The following CDK19 variants were observed in gnomAD, a reference collection of about 807,000 sequenced individuals.
CDK19 encodes cyclin dependent kinase 19.
Under a neutral mutation model 68.3 loss-of-function variants are expected in CDK19, and 20 were observed. The observed-to-expected ratio is 0.29, with a 90% confidence interval of 0.21 to 0.43. The LOEUF is 0.43. Ranked by LOEUF, CDK19 falls within the 20% of genes least tolerant of loss-of-function variation. CDK19 has a pLI of 1.00. For missense variants in CDK19, 339 were observed against 623.5 expected, an observed-to-expected ratio of 0.54 and a Z score of 4.86; for synonymous variants, 221 against 222.8, an observed-to-expected ratio of 0.99 and a Z score of 0.07.
intron 1 of CDK19, among the ~76,000 whole-genome samples, chr6:110,774,181 G>A (rs1223146650): frequency 1.3e-5 from 2 of 152,120 alleles, no homozygotes; most frequent in Non-Finnish European, 2.9e-5. Flanking sequence ...CTTACGAAAA[G>A]AACCAATTTA....
intron 2 of CDK19, chr6:110,670,762 C>CTGTTT (rs776897665): frequency 1.6e-6 from 1 of 631,718 alleles, no homozygotes; most frequent in South Asian, 1.6e-5. Context: ...TTAGGTATAT[C>CTGTTT]TGTTTTGTTT....
In CDK19 at chr6:110,646,190, C is replaced by G. The variant is rs1780559429; in HGVS notation, c.457-7484G>C. The G allele has an allele frequency of 6.9e-6, 9 of 1,297,582 alleles. No homozygotes were observed. In the South Asian group the frequency reaches 9.8e-5, roughly 14 times the overall value. 80.4% of individuals were successfully genotyped at this position (1,297,582 alleles called of 1,614,324 possible). On this transcript the variant is annotated intron_variant, in intron 4 of 12. Transcript: ENST00000368911. ...CCACCGGCCACCAGAGCCTGTTCCT[C>G]CGCATCCTCAGCAACTCGTCGGGGT...
chr6:110,763,689 A>G (rs962158177), intron 1 of CDK19, among the ~76,000 whole-genome samples: 2 of 152,164 alleles, frequency 1.3e-5, no homozygotes, highest in East Asian at 3.8e-4. Flanking sequence ...TGCTGGGATT[A>G]CTGGCATGAG....
chr6:110,687,482 G>A (rs1051019928), intron 2 of CDK19, among the ~76,000 whole-genome samples: 1 of 152,200 alleles, frequency 6.6e-6, no homozygotes, highest in African/African-American at 2.4e-5. Flanking sequence ...AAGGAAAGCA[G>A]CTAAATGATC....
intron 4 of CDK19, among the ~76,000 whole-genome samples, chr6:110,641,134 T>C (rs1345404803): frequency 6.6e-6 from 1 of 151,984 alleles, no homozygotes; most frequent in East Asian, 1.9e-4. Context: ...GTTCACCATA[T>C]GAGATGAGAT....
chr6:110,655,079 C>T (rs1031274635), intron 4 of CDK19, among the ~76,000 whole-genome samples: 2 of 151,810 alleles, frequency 1.3e-5, no homozygotes, highest in Admixed American at 1.3e-4. Flanking sequence ...TTCAAAAATC[C>T]TCGATAGGCC....
At chr6:110,671,139 T>C (rs372311558) in intron 2 of CDK19, among the ~76,000 whole-genome samples, 1 of 151,808 alleles carries the variant, frequency 6.6e-6, no homozygotes, top group African/African-American at 2.4e-5. Context: ...AAAACTGAAG[T>C]TGAGAACAGG....
chr6:110,721,250 T>C (rs1320784278), intron 2 of CDK19, among the ~76,000 whole-genome samples: 2 of 151,806 alleles, frequency 1.3e-5, no homozygotes, highest in Non-Finnish European at 2.9e-5. Context: ...AAAATAAAAA[T>C]AGAAATTAAT....
At chr6:110,798,700 C>T (rs1782128888) in intron 1 of CDK19, among the ~76,000 whole-genome samples, 1 of 144,972 alleles carries the variant, frequency 6.9e-6, no homozygotes, top group African/African-American at 2.5e-5. Flanking sequence ...AGACATGAAG[C>T]AATAGTTTTG....
intron 6 of CDK19, among the ~76,000 whole-genome samples, chr6:110,630,015 T>C (rs1779343545): frequency 6.6e-6 from 1 of 152,216 alleles, no homozygotes; most frequent in South Asian, 2.1e-4. Context: ...AAAGCATCTA[T>C]TTTCATTTCA....
rs980438234 is a variant in CDK19 at position 110,639,962 on chromosome 6, T to C, written c.457-1256A>G. ...GTGCAGTGGCTCACACCTGTTATCC[T>C]AGGACTTTGGGAGACCGAGGCGGGA... On this transcript the variant is annotated intron_variant, in intron 4 of 12. Transcript: ENST00000368911. 1.8e-4 allele frequency among the ~76,000 whole-genome samples: 27 copies of C among 152,246 alleles called. 1 individual carries two copies. The highest frequency in any genetic ancestry group is 1.7e-3 in the East Asian group (9 of 5,180).
intron 8 of CDK19, among the ~76,000 whole-genome samples, chr6:110,624,980 A>G (rs1164207841): frequency 1.3e-5 from 2 of 152,242 alleles, no homozygotes; most frequent in African/African-American, 4.8e-5. Context: ...AGATCATATG[A>G]AAAAATGTAG....
At chr6:110,699,047 C>T in intron 2 of CDK19, among the ~76,000 whole-genome samples, 1 of 112,688 alleles carries the variant, frequency 8.9e-6, no homozygotes, top group Non-Finnish European at 1.7e-5. Flanking sequence ...AAGTGAGACC[C>T]TGTCTCAAAA....
At chr6:110,802,275 T>C (rs893904918) in intron 1 of CDK19, among the ~76,000 whole-genome samples, 1 of 152,162 alleles carries the variant, frequency 6.6e-6, no homozygotes, top group Non-Finnish European at 1.5e-5. Flanking sequence ...AGTCATGGAA[T>C]CCTCCTGGGT....
intron 1 of CDK19, among the ~76,000 whole-genome samples, chr6:110,770,211 C>G (rs1244138820): frequency 6.6e-6 from 1 of 152,096 alleles, no homozygotes; most frequent in East Asian, 1.9e-4. Context: ...GGTGTATATC[C>G]TAAATATATG....
At chr6:110,652,246 C>T (rs1013814599) in intron 4 of CDK19, among the ~76,000 whole-genome samples, 16 of 152,202 alleles carry the variant, frequency 1.1e-4, no homozygotes, top group African/African-American at 3.9e-4. Flanking sequence ...GCTAAGAGAA[C>T]CTAAAAAGTA....
chr6:110,654,332 T>A (rs986049669), intron 4 of CDK19, among the ~76,000 whole-genome samples: 2 of 152,214 alleles, frequency 1.3e-5, no homozygotes, highest in African/African-American at 4.8e-5. Context: ...CTTTTTTTCT[T>A]AAGCAGTTAT....
chr6:110,675,340 C>T (rs1025792968), intron 2 of CDK19, among the ~76,000 whole-genome samples: 1 of 152,170 alleles, frequency 6.6e-6, no homozygotes, highest in East Asian at 1.9e-4. Flanking sequence ...AAGAATTATG[C>T]TAAATGGCCG....
chr6:110,623,831 CAT>C (rs938911652), intron 8 of CDK19, among the ~76,000 whole-genome samples: 25 of 145,966 alleles, frequency 1.7e-4, no homozygotes, highest in Admixed American at 1.4e-3. Flanking sequence ...TACATATACA[CAT>C]ATATATACAC....
Sources: allele counts gnomAD v4.1 joint callset (sites outside exome capture counted in the v4.1 genomes callset), GRCh38; gene constraint gnomAD v4.1.1; transcripts MANE v1.5; gene names NCBI Gene and HGNC (gene_info 2026-07-23, HGNC 2026-07-21).